The following WDR88 variants were observed in gnomAD, a reference collection of about 807,000 sequenced individuals.
WDR88 encodes the protein WD repeat domain 88.
Under a neutral mutation model 46.8 loss-of-function variants are expected in WDR88, and 40 were observed. The ratio of observed to expected loss-of-function variants is 0.86; its 90% CI spans 0.66 to 1.11. The LOEUF (loss-of-function observed/expected upper bound fraction) is 1.11. Ranked by LOEUF, WDR88 falls within the 50% of genes most tolerant of loss-of-function variation. The pLI, the probability that WDR88 is intolerant of heterozygous loss-of-function variation, is 0.00. For missense variants in WDR88, 562 were observed against 602.4 expected (o/e 0.93, Z 0.70); for synonymous variants, 235 against 240.7 (o/e 0.98, Z 0.22).
rs758171116 is a variant in WDR88 at position 33,148,846 on chromosome 19, C to T, written c.615C>T (p.Phe205=). The T allele has an allele frequency of 6.8e-6, 11 of 1,614,128 alleles. No homozygotes were observed. Among genetic ancestry groups the T allele is most frequent in the Middle Eastern group, 3.3e-4 (2 of 6,062 alleles). Residue 205 remains phenylalanine (F), a synonymous_variant, in exon 5 of 11, where the codon TTC becomes TTT. Coordinates refer to ENST00000355868, the MANE Select transcript of WDR88 (RefSeq NM_173479.4). ...ATGGTAAATACGTGGTCTCAGGCTT[C>T]GACGTGGATCATGGAATCTGCATAA... The part of the protein sequence containing the change: ...SPDGKYVVSG[F]DVDHGICIMD...
chr19:33,147,614 C>A lies in WDR88; in HGVS notation c.477-31C>A, dbSNP rs376119374. On this transcript the variant is annotated intron_variant, in intron 3 of 10. Coordinates refer to ENST00000355868, the MANE Select transcript of WDR88 (RefSeq NM_173479.4). ...AGACACCCTGTCTCAAAAAAAAGAA[C>A]CAGTGTTCGTCATCGTCATCTTATT... 163 of 1,609,676 alleles carry A rather than the reference C, an allele frequency of 1.0e-4. No homozygotes were observed. In the African/African-American group the frequency reaches 1.9e-3, roughly 19 times the overall value.
intron 8 of WDR88, among the ~76,000 whole-genome samples, chr19:33,163,161 G>A (rs376918245): frequency 8.6e-5 from 13 of 151,872 alleles, no homozygotes; most frequent in East Asian, 7.8e-4. Flanking sequence ...GTGAAACCCC[G>A]TCTCTACTAA....
chr19:33,147,975 A>G (rs970916946), intron 4 of WDR88, among the ~76,000 whole-genome samples: 6 of 151,642 alleles, frequency 4.0e-5, no homozygotes, highest in Admixed American at 3.9e-4. Context: ...TGCTTGAAAG[A>G]TGGGATGGGT....
In WDR88 at chr19:33,144,855, C is replaced by T. The variant is rs3848596; in HGVS notation, c.399C>T (p.Asp133=). The T allele has an allele frequency of 0.37, 591,953 of 1,611,338 alleles. 117,164 individuals are homozygous for T. Among genetic ancestry groups the T allele is most frequent in the South Asian group, 0.61 (55,415 of 90,832 alleles). ...CCCGTTGATTTGAGGATCCGGTGGA[C>T]GGTTCTGTGGTTCGCGATTTTGAGC... ...DCTVKLWDPV[D]GSVVRDFEHR... Residue 133 remains aspartate, a synonymous_variant, in exon 3 of 11, where the codon GAC becomes GAT. Coordinates refer to ENST00000355868, the MANE Select transcript of WDR88 (RefSeq NM_173479.4).
At position 33,137,776 on chromosome 19, in the gene WDR88, G is replaced by C; in HGVS notation, c.376G>C (p.Val126Leu). 6.2e-7 allele frequency: 1 copy of C among 1,613,098 alleles called. No homozygotes were observed. Among genetic ancestry groups the C allele is most frequent in the Non-Finnish European group, 8.5e-7 (1 of 1,179,902 alleles). The change falls in exon 2 of 11, where the codon GTG (valine) becomes CTG (leucine). Residue 126 changes from valine to leucine, a missense_variant. Val to Leu is a conservative substitution (Grantham distance 32). Coordinates refer to ENST00000355868, the MANE Select transcript of WDR88 (RefSeq NM_173479.4). ...KLLSGSYDCTVKLWDPVDGSV... is the reference protein window; with the variant it reads ...KLLSGSYDCTLKLWDPVDGSV... ...CCTCAGTGGCTCCTATGACTGCACTGTGAAGCTGTGGGTAGGTGGCCGGCT... is the reference window on the plus strand; with the variant it reads ...CCTCAGTGGCTCCTATGACTGCACTCTGAAGCTGTGGGTAGGTGGCCGGCT...
At chr19:33,147,589 A>G (rs1599890893) in intron 3 of WDR88, 56 bp from the exon 4 acceptor site, 43 of 1,574,806 alleles carry the variant, frequency 2.7e-5, no homozygotes, top group Non-Finnish European at 3.6e-5. Context: ...GGCAACAGAA[A>G]GACACCCTGT....
At chr19:33,148,586 G>A (rs562036103) in intron 4 of WDR88, among the ~76,000 whole-genome samples, 186 bp from the exon 5 acceptor site, 2 of 151,998 alleles carry the variant, frequency 1.3e-5, no homozygotes, top group East Asian at 1.9e-4. Flanking sequence ...GACTACAGGC[G>A]AGCACCGCCA....
rs1028443889 is a variant in WDR88, at chr19:33,173,647, TG to T, written c.1242+1210del. On this transcript the variant is annotated intron_variant, in intron 10 of 10. Transcript: ENST00000355868. ...CACTGCAAGGCAGTTGTGTGAGGGG[TG>T]GGACTCACATGGACCTTGTCCCTGT... Among the ~76,000 whole-genome samples the T allele has an allele frequency of 7.7e-4, 118 of 152,316 alleles. 1 individual carries two copies. Among genetic ancestry groups the T allele is most frequent in the Admixed American group, 7.1e-3 (109 of 15,302 alleles).
At chr19:33,134,837 GA>G (rs1973221092) in intron 1 of WDR88, among the ~76,000 whole-genome samples, 2 of 81,396 alleles carry the variant, frequency 2.5e-5, no homozygotes, top group Admixed American at 1.3e-4. Flanking sequence ...GCACGTCCCC[GA>G]CACCCCCCCC....
At chr19:33,152,317 T>C (rs1342156662) in intron 6 of WDR88, among the ~76,000 whole-genome samples, 1 of 152,010 alleles carries the variant, frequency 6.6e-6, no homozygotes, top group Non-Finnish European at 1.5e-5. Context: ...CTGCCATTCA[T>C]TACATTCACA....
At chr19:33,147,256 G>A (rs1280027655) in intron 3 of WDR88, among the ~76,000 whole-genome samples, 1 of 151,266 alleles carries the variant, frequency 6.6e-6, no homozygotes, top group African/African-American at 2.4e-5. Context: ...AAGGAAAGGC[G>A]GGGGGCGGGG....
At chr19:33,143,644 CAAA>C (rs11330443) in intron 2 of WDR88, among the ~76,000 whole-genome samples, 26 of 117,118 alleles carry the variant, frequency 2.2e-4, no homozygotes, top group East Asian at 4.9e-4. Context: ...GACCCTCTCT[CAAA>C]AAAAAAAAAA....
intron 1 of WDR88, among the ~76,000 whole-genome samples, chr19:33,134,517 AGTTGGG>A (rs1398764222): frequency 2.6e-5 from 4 of 151,406 alleles, no homozygotes; most frequent in African/African-American, 9.7e-5. Flanking sequence ...TTTTAATGAT[AGTTGGG>A]TTTTCCTAAT....
intron 3 of WDR88, among the ~76,000 whole-genome samples, chr19:33,147,108 G>A (rs566719973): frequency 3.3e-4 from 50 of 151,560 alleles, no homozygotes; most frequent in African/African-American, 1.1e-3. Context: ...ATGATGATGA[G>A]TGCCCATAGT....
intron 3 of WDR88, among the ~76,000 whole-genome samples, chr19:33,146,494 T>TCCTC (rs1973521286): frequency 1.2e-5 from 1 of 83,666 alleles, no homozygotes; most frequent in Non-Finnish European, 2.4e-5. Flanking sequence ...CTTCCTTCCT[T>TCCTC]CCCCTTCCTT....
At chr19:33,169,602 C>G (rs1329522632) in intron 9 of WDR88, among the ~76,000 whole-genome samples, 1 of 132,278 alleles carries the variant, frequency 7.6e-6, no homozygotes, top group Non-Finnish European at 1.5e-5. Flanking sequence ...TGAATGTTGG[C>G]AAAGGATGTG....
chr19:33,149,402 TC>T (rs1973586993), intron 5 of WDR88, among the ~76,000 whole-genome samples: 1 of 152,190 alleles, frequency 6.6e-6, no homozygotes, highest in South Asian at 2.1e-4. Context: ...TTAATGCTTT[TC>T]CATTCATTCA....
chr19:33,170,676 C>T (rs866978318), intron 9 of WDR88, among the ~76,000 whole-genome samples: 12 of 152,072 alleles, frequency 7.9e-5, no homozygotes, highest in African/African-American at 1.2e-4. Flanking sequence ...GCCTGGGCAA[C>T]GTGCCCAAAC....
In WDR88 at chr19:33,151,176, T is replaced by G. The variant is rs1456948038; in HGVS notation, c.680-5T>G. On this transcript the variant is annotated splice_polypyrimidine_tract_variant and splice_region_variant and intron_variant, in intron 5 of 10. Coordinates refer to ENST00000355868, the MANE Select transcript of WDR88 (RefSeq NM_173479.4). ...TCTCAAGTCCCTTTCCTCCGTGTTC[T>G]GCAGATCATCACACAAGGTCCATCA... 6.2e-7 allele frequency: 1 copy of G among 1,613,226 alleles called. No homozygotes were observed. The highest frequency in any genetic ancestry group is 8.5e-7 in the Non-Finnish European group (1 of 1,179,542).
Sources: gnomAD v4.1 joint callset for allele counts (sites outside exome capture counted in the v4.1 genomes callset) on GRCh38, gnomAD v4.1.1 for gene constraint, MANE v1.5 for transcripts, NCBI Gene and HGNC (gene_info 2026-07-23, HGNC 2026-07-21) for gene names.